Variants in CASP5 observed in about 807,000 individuals in gnomAD.
CASP5 encodes caspase 5, also known as caspase-5.
CASP5 carries 42 observed loss-of-function variants against 45.2 expected under a neutral mutation model. The observed-to-expected ratio is 0.93, with a 90% CI of 0.73 to 1.20. CASP5 has a LOEUF of 1.20. Among genes scored for constraint, CASP5 ranks in the 50% most tolerant of loss-of-function variants. The probability of loss-of-function intolerance (pLI) is 0.00; values close to 1 mark genes in which losing one functional copy is unlikely to be tolerated. For synonymous variants in CASP5, 209 were observed against 186.2 expected, an observed-to-expected ratio of 1.12 and a Z score of -1.00; for missense variants, 512 against 532.2, an observed-to-expected ratio of 0.96 and a Z score of 0.37.
chr11:105,017,133 C>T (rs1862657209), intron 1 of CASP5, among the ~76,000 whole-genome samples: 2 of 151,874 alleles, frequency 1.3e-5, no homozygotes, highest in African/African-American at 4.8e-5. Flanking sequence ...ACAGAAAGGA[C>T]ATCCACACCA....
intron 8 of CASP5, 33 bp from the exon 9 acceptor site, chr11:104,995,875 G>C (rs761406463): frequency 1.5e-4 from 189 of 1,262,396 alleles, no homozygotes; most frequent in Non-Finnish European, 2.0e-4. Flanking sequence ...AGATATGAGG[G>C]ATTTTGGGTT....
Position 105,020,107 on chromosome 11 carries a change from C to T in CASP5, c.7+3023G>A, listed in dbSNP as rs565980075. Among the ~76,000 whole-genome samples the T allele has an allele frequency of 1.0e-3, 150 of 145,784 alleles. 8 individuals carry two copies. Among genetic ancestry groups the T allele is most frequent in the Admixed American group, 3.4e-3 (47 of 13,712 alleles). On this transcript the variant is annotated intron_variant, in intron 1 of 9. Coordinates refer to ENST00000260315, the MANE Select transcript of CASP5 (RefSeq NM_004347.5). Reference sequence around the variant, plus strand: ...AAAGTTCTTTGACAAAATTCAACAACGCTTCATGCTAAAAACTCTCAATAA... The same window carrying T: ...AAAGTTCTTTGACAAAATTCAACAATGCTTCATGCTAAAAACTCTCAATAA...
chr11:105,000,565 T>G, intron 5 of CASP5, 70 bp from the exon 6 acceptor site: 1 of 1,396,048 alleles, frequency 7.2e-7, no homozygotes, highest in Non-Finnish European at 1.0e-6. Flanking sequence ...AGATTTACCA[T>G]GAGCGAAACA....
intron 3 of CASP5, among the ~76,000 whole-genome samples, chr11:105,005,003 TTCTA>T (rs540798064): frequency 1.3e-5 from 2 of 152,144 alleles, no homozygotes; most frequent in Non-Finnish European, 2.9e-5. Flanking sequence ...TAGACAGAAA[TTCTA>T]TCTTATATCC....
intron 1 of CASP5, among the ~76,000 whole-genome samples, chr11:105,019,157 T>C (rs2134763698): frequency 6.7e-6 from 1 of 149,402 alleles, no homozygotes; most frequent in Admixed American, 6.7e-5. Flanking sequence ...TTCAAAGCAG[T>C]GTGTAGAGGG....
intron 3 of CASP5, among the ~76,000 whole-genome samples, chr11:105,004,616 T>A (rs918822840): frequency 6.6e-6 from 1 of 152,116 alleles, no homozygotes; most frequent in Admixed American, 6.6e-5. Flanking sequence ...AAAATTTATA[T>A]TGTTTTTAAA....
intron 1 of CASP5, among the ~76,000 whole-genome samples, chr11:105,020,981 A>G (rs1333803402): frequency 1.3e-5 from 2 of 152,094 alleles, no homozygotes; most frequent in Non-Finnish European, 2.9e-5. Context: ...ATGGAACAGA[A>G]CAGAGCCCTC....
intron 5 of CASP5, 128 bp from the exon 6 acceptor site, chr11:105,000,623 T>C: frequency 2.5e-6 from 2 of 805,804 alleles, no homozygotes; most frequent in South Asian, 3.5e-5. Context: ...TAGCGCTTAC[T>C]CAGTCATGAC....
intron 2 of CASP5, 70 bp downstream of exon 2, chr11:105,008,737 C>G: frequency 1.8e-6 from 2 of 1,088,506 alleles, no homozygotes; most frequent in Non-Finnish European, 2.8e-6. Flanking sequence ...ACAGAAGTCA[C>G]TGCATGGGAC....
intron 1 of CASP5, among the ~76,000 whole-genome samples, chr11:105,016,550 C>A (rs540552951): frequency 6.6e-6 from 1 of 152,202 alleles, no homozygotes; most frequent in African/African-American, 2.4e-5. Context: ...GGGTGACACA[C>A]GGCACCTGGA....
intron 4 of CASP5, among the ~76,000 whole-genome samples, chr11:105,002,559 A>G (rs1565382766): frequency 6.6e-6 from 1 of 152,170 alleles, no homozygotes; most frequent in Non-Finnish European, 1.5e-5. Context: ...TGCCTTCCGT[A>G]TTATGATTAT....
intron 3 of CASP5, among the ~76,000 whole-genome samples, chr11:105,005,617 G>C (rs1861965371): frequency 6.6e-6 from 1 of 152,136 alleles, no homozygotes; most frequent in Non-Finnish European, 1.5e-5. Context: ...AATGCAGATA[G>C]AGTGCAGAGA....
Position 105,000,284 on chromosome 11 carries a change from A to C in CASP5, c.929T>G (p.Ile310Ser), listed in dbSNP as rs1565380860. Residue 310 changes from isoleucine (I) to serine (S), a missense_variant, in exon 6 of 10, where the codon ATC becomes AGC. Coordinates refer to ENST00000260315, the MANE Select transcript of CASP5 (RefSeq NM_004347.5). ...CLSLKDKPKV[I>S]IVQACRGEKH... The stretch of plus-strand genomic sequence containing the variant: ...ACCACCTCTGCAGGCCTGGACAATG[A>C]TGACCTTGGGTTTGTCCTTTAGACT... 1 of 1,614,212 alleles carries C rather than the reference A, an allele frequency of 6.2e-7. No homozygotes were observed.
chr11:105,018,164 C>T (rs1392227639), intron 1 of CASP5, among the ~76,000 whole-genome samples: 1 of 151,932 alleles, frequency 6.6e-6, no homozygotes, highest in Non-Finnish European at 1.5e-5. Flanking sequence ...AAGCACTCAA[C>T]ATGGAAAGGA....
chr11:105,017,743 T>C (rs2134756555), intron 1 of CASP5, among the ~76,000 whole-genome samples: 1 of 152,150 alleles, frequency 6.6e-6, no homozygotes, highest in African/African-American at 2.4e-5. Context: ...CAGGATATTA[T>C]CCAGGAGAAC....
chr11:105,016,432 C>T (rs550355790), intron 1 of CASP5, among the ~76,000 whole-genome samples: 3,924 of 152,176 alleles, frequency 0.026, 149 homozygotes, highest in African/African-American at 0.089. Context: ...AGACAGTGGG[C>T]GCAGGTCAGT....
intron 1 of CASP5, among the ~76,000 whole-genome samples, chr11:105,022,124 C>T (rs1470991163): frequency 7.1e-6 from 1 of 140,990 alleles, no homozygotes; most frequent in East Asian, 2.2e-4. Context: ...AACACATGGA[C>T]ACAGGAAGGG....
intron 1 of CASP5, among the ~76,000 whole-genome samples, chr11:105,009,714 T>TACACACACACACAC (rs367820511): frequency 2.8e-5 from 2 of 71,466 alleles, no homozygotes; most frequent in Non-Finnish European, 5.3e-5. Flanking sequence ...GATATATATA[T>TACACACACACACAC]ACACACATAT....
intron 1 of CASP5, among the ~76,000 whole-genome samples, chr11:105,011,418 C>T (rs1303353070): frequency 6.6e-6 from 1 of 151,774 alleles, no homozygotes; most frequent in Non-Finnish European, 1.5e-5. Context: ...CACCCACTTT[C>T]ACCGCTTCTA....
Sources: allele counts gnomAD v4.1 joint callset (sites outside exome capture counted in the v4.1 genomes callset), GRCh38; gene constraint gnomAD v4.1.1; transcripts MANE v1.5; gene names NCBI Gene and HGNC (gene_info 2026-07-23, HGNC 2026-07-21).